Variants in DENND1C observed in about 807,000 individuals in gnomAD.
The protein encoded by DENND1C is DENN domain-containing protein 1C.
Under a neutral mutation model 87.9 loss-of-function variants are expected in DENND1C, and 64 were observed. That is an observed-to-expected ratio of 0.73 (90% CI 0.60 to 0.90). The LOEUF (loss-of-function observed/expected upper bound fraction) is 0.90, where lower values mean the gene tolerates loss of function less well. DENND1C is among the 40% of genes least tolerant of loss of function. DENND1C has a pLI of 0.00. For missense variants in DENND1C, 980 were observed against 1,037.0 expected (o/e 0.95, Z 0.76); for synonymous variants, 384 against 424.4 (o/e 0.90, Z 1.17).
At chr19:6,469,457 A>G (rs2092815656) in intron 19 of DENND1C, 139 bp downstream of exon 19, 8 of 818,380 alleles carry the variant, frequency 9.8e-6, no homozygotes, top group Non-Finnish European at 1.4e-5. Flanking sequence ...ATTTTTAACT[A>G]TTTTTTTGTA....
rs373035364 is a variant in DENND1C at position 6,479,737 on chromosome 19, G to T, written c.127-19C>A. The T allele has an allele frequency of 1.9e-6, 3 of 1,613,740 alleles. No homozygotes were observed. Among genetic ancestry groups the T allele is most frequent in the Admixed American group, 1.7e-5 (1 of 59,980 alleles). ...TAGCTTCCTGGAGGTGAAGAAAAGC[G>T]CAGACTGCTTGGCCACTGAGGTCGG... On this transcript the variant is annotated intron_variant, in intron 3 of 22. Coordinates refer to ENST00000381480, the MANE Select transcript of DENND1C (RefSeq NM_024898.4).
At chr19:6,470,721 A>G (rs1599379458) in intron 17 of DENND1C, among the ~76,000 whole-genome samples, 1 of 142,438 alleles carries the variant, frequency 7.0e-6, no homozygotes, top group Non-Finnish European at 1.5e-5. Context: ...TCCCTGGTTC[A>G]AGCGATTCTC....
chr19:6,475,439 G>A lies in DENND1C; in HGVS notation c.928-40C>T. 4 of 1,613,254 alleles carry A rather than the reference G, an allele frequency of 2.5e-6. No individual in the cohort carries two copies. The African/African-American group carries it at 5.3e-5, about 21-fold the overall frequency. On this transcript the variant is annotated intron_variant, in intron 13 of 22. Coordinates refer to ENST00000381480, the MANE Select transcript of DENND1C (RefSeq NM_024898.4). ...AGTGGCCCTGAGTGGGCAGGTGTGG[G>A]CCCCTCGCCTCCCGGGGCAGGAAGG...
rs1049450807 is a variant in DENND1C, at chr19:6,469,619, C to T, written c.1384G>A (p.Val462Met). 7 of 1,606,832 alleles carry T rather than the reference C, an allele frequency of 4.4e-6. No individual in the cohort carries two copies. The East Asian group carries it at 6.7e-5, about 15-fold the overall frequency. ...YRSAKSGLKG[V>M]QSLLMYKDGD... ...ACCTTATACATTAGAAGGCTCTGCA[C>T]CCCCTTCAAGCCACTCTTGGCCTAT... is the stretch of plus-strand genomic sequence containing the variant. The change falls in exon 19 of 23, where the codon GTG becomes ATG. Residue 462 changes from valine to methionine, a missense_variant. Physicochemically the swap from Val to Met is conservative, Grantham distance 21. Coordinates refer to ENST00000381480, the MANE Select transcript of DENND1C (RefSeq NM_024898.4).
Position 6,467,796 on chromosome 19 carries a change from G to C in DENND1C, c.2114C>G (p.Thr705Ser), listed in dbSNP as rs1161314013. Residue 705 changes from threonine (T) to serine (S), a missense_variant, in exon 23 of 23, where the codon ACT becomes AGT. Thr to Ser is a moderately conservative substitution (Grantham distance 58). Transcript: ENST00000381480. Reference sequence around the variant, plus strand: ...TGGAGGGCTGGGCTCAGTGGGTGCAGTGGAGAGCCAGGGAGTGGGGTTTTC... The same window carrying C: ...TGGAGGGCTGGGCTCAGTGGGTGCACTGGAGAGCCAGGGAGTGGGGTTTTC... Reference protein sequence around the residue: ...AQENPTPWLSTAPTEPSPPES... With the variant: ...AQENPTPWLSSAPTEPSPPES... The C allele has an allele frequency of 2.0e-6, 3 of 1,537,412 alleles. No homozygotes were observed. Among genetic ancestry groups the C allele is most frequent in the Non-Finnish European group, 2.6e-6 (3 of 1,145,292 alleles).
chr19:6,476,038 C>T (rs1044982669), intron 10 of DENND1C, 101 bp from the exon 11 acceptor site: 1 of 1,074,536 alleles, frequency 9.3e-7, no homozygotes, highest in Non-Finnish European at 1.3e-6. Flanking sequence ...GTTCCCCCTC[C>T]CCATCCACTG....
At chr19:6,470,201 G>A in intron 18 of DENND1C, 94 bp downstream of exon 18, 6 of 1,273,128 alleles carry the variant, frequency 4.7e-6, no homozygotes, top group Non-Finnish European at 6.7e-6. Context: ...GTGTCTGCCA[G>A]GGTCAAAATA....
At chr19:6,480,426 G>A (rs750791516) in intron 1 of DENND1C, 74 of 1,104,268 alleles carry the variant, frequency 6.7e-5, no homozygotes, top group Non-Finnish European at 7.9e-5. Context: ...AGGACAGCCC[G>A]TGCAGTCCCA....
rs1173316358 is a variant in DENND1C at position 6,478,273 on chromosome 19, C to T, written c.366+510G>A. Among the ~76,000 whole-genome samples the T allele has an allele frequency of 2.6e-5, 4 of 152,054 alleles. No individual in the cohort carries two copies. In the South Asian group the frequency reaches 6.2e-4, roughly 24 times the overall value. ...ATTTTTATTTTTTGAGACGGAGTTT[C>T]GCTCCTGTTGCCCAAGCTGGAGTGC... On this transcript the variant is annotated intron_variant, in intron 6 of 22. Coordinates refer to ENST00000381480, the MANE Select transcript of DENND1C (RefSeq NM_024898.4).
chr19:6,473,048 T>C (rs1329375206), intron 14 of DENND1C, 55 bp from the exon 15 acceptor site: 5 of 1,299,048 alleles, frequency 3.8e-6, no homozygotes, highest in Non-Finnish European at 5.1e-6. Flanking sequence ...CCCTCCCTCA[T>C]TCTACTATAT....
rs1053688516 is a variant in DENND1C at position 6,469,961 on chromosome 19, T to C, written c.1363-321A>G. On this transcript the variant is annotated intron_variant, in intron 18 of 22. Transcript: ENST00000381480. ...GCTGCAAAAATTGGCCCCAGGAAAC[T>C]TCTGAGCTTGGGAGATAAAAGGCAG... 7.1e-5 allele frequency: 34 copies of C among 475,594 alleles called. 1 individual carries two copies. In the South Asian group the frequency reaches 9.8e-4, roughly 14 times the overall value. The allele number at this position is 475,594 out of a possible 1,614,324, so 29.5% of individuals were successfully genotyped here.
chr19:6,475,212 C>A (rs772091930), intron 14 of DENND1C, 62 bp downstream of exon 14: 1 of 1,604,780 alleles, frequency 6.2e-7, no homozygotes, highest in African/African-American at 1.3e-5. Context: ...CTGTACCTAT[C>A]GTTACATTGC....
In DENND1C at chr19:6,475,915, G is replaced by C. The variant is rs762617894; in HGVS notation, c.701C>G (p.Ser234Cys). The C allele has an allele frequency of 2.3e-5, 36 of 1,568,014 alleles. No homozygotes were observed. The highest frequency in any genetic ancestry group is 2.8e-5 in the Non-Finnish European group (33 of 1,165,648). The change falls in exon 11 of 23, where the codon TCC (serine) becomes TGC (cysteine). Residue 234 changes from serine to cysteine, a missense_variant. Physicochemically the swap from Ser to Cys is moderately radical, Grantham distance 112 (BLOSUM62 -1). Transcript: ENST00000381480. ...GCGCATGGGGTACAGGAGCGCGCAG[G>C]ACGCGTGGACGCACGAGGTCAGCTG... ...LSTLTSCVHA[S>C]CALLYPMRWE...
In DENND1C at chr19:6,471,289, A is replaced by T. The variant is rs1307031412; in HGVS notation, c.1266T>A (p.Tyr422Ter). The T allele has an allele frequency of 6.3e-7, 1 of 1,597,218 alleles. No individual in the cohort carries two copies. Among genetic ancestry groups the T allele is most frequent in the Non-Finnish European group, 8.5e-7 (1 of 1,171,962 alleles). Reference protein sequence around the residue: ...CGASSGALRSYQLWADNLKKG... With the variant: ...CGASSGALRS Reference sequence around the variant, plus strand: ...CCTTTAGATTGTCGGCCCAGAGCTGATAGGATCGAAGGGCCCCTGGGGTAA... The same window carrying T: ...CCTTTAGATTGTCGGCCCAGAGCTGTTAGGATCGAAGGGCCCCTGGGGTAA... Residue 422 changes from tyrosine (Y) to a stop codon, truncating the protein, a stop_gained, in exon 17 of 23, where the codon TAT becomes TAA. Coordinates refer to ENST00000381480, the MANE Select transcript of DENND1C (RefSeq NM_024898.4). LOFTEE classifies it high-confidence loss of function.
At position 6,468,622 on chromosome 19, in the gene DENND1C, C is replaced by T; in HGVS notation, c.1539G>A (p.Arg513=). The T allele has an allele frequency of 6.7e-7, 1 of 1,497,904 alleles. No individual in the cohort carries two copies. Among genetic ancestry groups the T allele is most frequent in the Non-Finnish European group, 8.9e-7 (1 of 1,126,914 alleles). The allele number at this position is 1,497,904 out of a possible 1,614,324, so 92.8% of individuals were successfully genotyped here. A position where few individuals can be genotyped will look rare whatever the true frequency, so the allele number is the denominator to read the frequency against. ...FGKNRPLRPS[R]RRQLEEGTSE... is the part of the protein sequence containing the mutation. ...AAGTTCCCTCTTCCAGCTGGCGTCTCCTGCTGGGGCGAAGGGGCCGGTTCT... is the reference window on the plus strand; with the variant it reads ...AAGTTCCCTCTTCCAGCTGGCGTCTTCTGCTGGGGCGAAGGGGCCGGTTCT... Residue 513 remains arginine (R), a synonymous_variant, in exon 21 of 23, where the codon AGG becomes AGA. Coordinates refer to ENST00000381480, the MANE Select transcript of DENND1C (RefSeq NM_024898.4).
In DENND1C at chr19:6,477,232, C is replaced by A; in HGVS notation, c.499G>T (p.Gly167Trp). 1.3e-6 allele frequency: 2 copies of A among 1,585,112 alleles called. No individual in the cohort carries two copies. The highest frequency in any genetic ancestry group is 8.6e-7 in the Non-Finnish European group (1 of 1,165,382). ...SGQGIPPPTR[G>W]NSKPLSCFVA... ...GCCCCGCTCACCGGCTTGCTATTCC[C>A]CCGGGTAGGGGGGGGGATACCCTGC... The change falls in exon 8 of 23, where the codon GGG (glycine) becomes TGG (tryptophan). Residue 167 changes from glycine to tryptophan, a missense_variant. By Grantham distance (184) the Gly-to-Trp change is radical. Coordinates refer to ENST00000381480, the MANE Select transcript of DENND1C (RefSeq NM_024898.4).
rs368056243 is a variant in DENND1C at position 6,468,926 on chromosome 19, C to A, written c.1435G>T (p.Gly479Cys). Residue 479 changes from glycine (G) to cysteine (C), a missense_variant, in exon 20 of 23, where the codon GGC (glycine) becomes TGC (cysteine). By Grantham distance (159) the Gly-to-Cys change is radical. Coordinates refer to ENST00000381480, the MANE Select transcript of DENND1C (RefSeq NM_024898.4). Reference sequence around the variant, plus strand: ...GGGAGGGCTGGGGCCCTCAGAGAGCCCCCCCTCTGCAGGACAGAGTCCCCA... The same window carrying A: ...GGGAGGGCTGGGGCCCTCAGAGAGCACCCCCTCTGCAGGACAGAGTCCCCA... ...KDGDSVLQRG[G>C]SLRAPALPSR... 5 of 1,467,492 alleles carry A rather than the reference C, an allele frequency of 3.4e-6. No homozygotes were observed. In the African/African-American group the frequency reaches 4.3e-5, roughly 13 times the overall value. 90.9% of individuals were successfully genotyped at this position (1,467,492 alleles called of 1,614,324 possible).
In DENND1C at chr19:6,468,826, G is replaced by C. The variant is rs746745810; in HGVS notation, c.1515+20C>G. The C allele has an allele frequency of 6.7e-7, 1 of 1,498,834 alleles. No individual in the cohort carries two copies. The highest frequency in any genetic ancestry group is 8.9e-7 in the Non-Finnish European group (1 of 1,128,610). 92.8% of individuals were successfully genotyped at this position (1,498,834 alleles called of 1,614,324 possible). On this transcript the variant is annotated intron_variant, in intron 20 of 22. Transcript: ENST00000381480. ...CAGTGATAATTCCAGGTGTGTGCAT[G>C]GGGGGAGGGGCGCTCTCACCTTTCC...
chr19:6,478,293 G>A (rs2092874971), intron 6 of DENND1C, among the ~76,000 whole-genome samples: 1 of 152,252 alleles, frequency 6.6e-6, no homozygotes, highest in South Asian at 2.1e-4. Flanking sequence ...GCCCAAGCTG[G>A]AGTGCAATGG....
Sources: gnomAD v4.1 joint callset for allele counts (sites outside exome capture counted in the v4.1 genomes callset) on GRCh38, gnomAD v4.1.1 for gene constraint, MANE v1.5 for transcripts, NCBI Gene and HGNC (gene_info 2026-07-23, HGNC 2026-07-21) for gene names.